Variants in AMOTL1 observed in about 807,000 individuals in gnomAD.
AMOTL1 encodes angiomotin-like protein 1.
AMOTL1 carries 45 observed loss-of-function variants against 102.9 expected under a neutral mutation model. That is an observed-to-expected ratio of 0.44 (90% confidence interval 0.34 to 0.56). AMOTL1 has a LOEUF of 0.56. Ranked by LOEUF, AMOTL1 falls within the 20% of genes least tolerant of loss-of-function variation. The pLI, the probability that AMOTL1 is intolerant of heterozygous loss-of-function variation, is 0.01. For synonymous variants in AMOTL1, 481 were observed against 484.7 expected, an observed-to-expected ratio of 0.99 and a Z score of 0.10; for missense variants, 1,114 against 1,225.6, an observed-to-expected ratio of 0.91 and a Z score of 1.36.
At chr11:94,752,174 C>CCTCTCCTTTCCAGTTT (rs1411882211) in intron 3 of AMOTL1, among the ~76,000 whole-genome samples, 1 of 152,042 alleles carries the variant, frequency 6.6e-6, no homozygotes, top group Admixed American at 6.6e-5. Flanking sequence ...CTGCTCACCC[C>CCTCTCCTTTCCAGTTT]CTCTCCTTTC....
chr11:94,825,786 G>A (rs1052304025), intron 4 of AMOTL1, among the ~76,000 whole-genome samples: 5 of 152,192 alleles, frequency 3.3e-5, no homozygotes, highest in African/African-American at 7.2e-5. Flanking sequence ...CTGAAGCAGT[G>A]TACAGTCAGA....
At position 94,850,139 on chromosome 11, in the gene AMOTL1, G is replaced by A. The variant is rs775952423; in HGVS notation, c.1674G>A (p.Glu558=). ...ACAAAGAATTCTTGAAGGAAAAGGA[G>A]AAATTAGAAATGGAGTTAGCAGCAG... ...SQNKEFLKEK[E]KLEMELAAVR... is the part of the protein sequence containing the mutation. The change falls in exon 7 of 13, where the codon GAG becomes GAA. Residue 558 remains glutamate, a synonymous_variant. Transcript: ENST00000433060. 21 of 1,582,400 alleles carry A rather than the reference G, an allele frequency of 1.3e-5. No individual in the cohort carries two copies. The highest frequency in any genetic ancestry group is 1.8e-5 in the Non-Finnish European group (21 of 1,163,496).
intron 3 of AMOTL1, among the ~76,000 whole-genome samples, chr11:94,755,507 CATT>C (rs1565340275): frequency 1.3e-5 from 2 of 152,180 alleles, no homozygotes; most frequent in African/African-American, 2.4e-5. Context: ...ACACAGTGAT[CATT>C]ATTATAACGA....
rs914864144 is a variant in AMOTL1, at chr11:94,709,007, A to G, written c.-51+2410A>G. On this transcript the variant is annotated intron_variant, in intron 1 of 4. Coordinates refer to the AMOTL1 transcript ENST00000299004. Reference sequence around the variant, plus strand: ...ATCGTTGGTTGAAGTAAAAGTTTCTAAAAGGACTTGTGCATTTAGAGTGGC... The same window carrying G: ...ATCGTTGGTTGAAGTAAAAGTTTCTGAAAGGACTTGTGCATTTAGAGTGGC... Among the ~76,000 whole-genome samples, 3 of 152,172 alleles carry G rather than the reference A, an allele frequency of 2.0e-5. No homozygotes were observed. In the South Asian group the frequency reaches 6.2e-4, roughly 31 times the overall value.
chr11:94,846,390 G>A (rs938074242), intron 6 of AMOTL1, among the ~76,000 whole-genome samples: 5 of 152,144 alleles, frequency 3.3e-5, no homozygotes, highest in Non-Finnish European at 5.9e-5. Context: ...GACATTCATC[G>A]GGAACTTACT....
intron 6 of AMOTL1, among the ~76,000 whole-genome samples, chr11:94,843,349 T>C (rs1260281095): frequency 6.6e-6 from 1 of 152,192 alleles, no homozygotes; most frequent in Non-Finnish European, 1.5e-5. Context: ...TCTAGGTTCA[T>C]CATTTTGACT....
upstream of AMOTL1, among the ~76,000 whole-genome samples, chr11:94,763,620 C>T (rs566065801): frequency 5.8e-4 from 89 of 152,284 alleles, 1 homozygote; most frequent in East Asian, 0.011. Context: ...TTGATTAACA[C>T]ATATTTCATA....
At chr11:94,739,162 T>C (rs776019855) in intron 2 of AMOTL1, among the ~76,000 whole-genome samples, 41 of 152,188 alleles carry the variant, frequency 2.7e-4, no homozygotes, top group Middle Eastern at 3.4e-3. Context: ...CAGGTATGGG[T>C]CAGAGCACAA....
intron 6 of AMOTL1, among the ~76,000 whole-genome samples, chr11:94,835,015 C>T (rs1952147993): frequency 6.6e-6 from 1 of 152,200 alleles, no homozygotes; most frequent in South Asian, 2.1e-4. Context: ...TCCCCCAAGT[C>T]ATGAGATTTG....
At chr11:94,852,610 A>G (rs1252070440) in intron 7 of AMOTL1, among the ~76,000 whole-genome samples, 1 of 152,258 alleles carries the variant, frequency 6.6e-6, no homozygotes, top group African/African-American at 2.4e-5. Context: ...GTGTGAGAGT[A>G]AGAGTTGGAA....
chr11:94,796,274 A>G (rs1453333140), intron 2 of AMOTL1, among the ~76,000 whole-genome samples: 2 of 152,100 alleles, frequency 1.3e-5, no homozygotes, highest in African/African-American at 4.8e-5. Context: ...CAGAGGTGAG[A>G]TTTTGGGGGT....
chr11:94,737,728 A>T (rs1950456697), intron 2 of AMOTL1, among the ~76,000 whole-genome samples: 1 of 152,194 alleles, frequency 6.6e-6, no homozygotes, highest in South Asian at 2.1e-4. Flanking sequence ...GAGCCCATCC[A>T]CTCATAAGAT....
At chr11:94,753,070 C>T (rs1950676411) in intron 3 of AMOTL1, among the ~76,000 whole-genome samples, 1 of 152,154 alleles carries the variant, frequency 6.6e-6, no homozygotes, top group South Asian at 2.1e-4. Context: ...ACGGCAACTC[C>T]AGACTGAGTA....
chr11:94,810,579 T>C lies in AMOTL1; in HGVS notation c.1121+10268T>C, dbSNP rs561734115. Among the ~76,000 whole-genome samples, 13 of 151,740 alleles carry C rather than the reference T, an allele frequency of 8.6e-5. No homozygotes were observed. In the East Asian group the frequency reaches 2.5e-3, roughly 29 times the overall value. ...CAGTTTAAGATCTGAGACAAACTTA[T>C]CTGTTTACACTCTTGGGGTTCCATA... On this transcript the variant is annotated intron_variant, in intron 3 of 12. Transcript: ENST00000433060.
At chr11:94,716,066 T>G (rs1340998730) in intron 1 of AMOTL1, among the ~76,000 whole-genome samples, 2 of 152,130 alleles carry the variant, frequency 1.3e-5, no homozygotes, top group African/African-American at 2.4e-5. Flanking sequence ...TTTCCTTTTT[T>G]GTACAAGTAA....
intron 3 of AMOTL1, among the ~76,000 whole-genome samples, chr11:94,804,865 T>C (rs1352735979): frequency 6.6e-6 from 1 of 152,076 alleles, no homozygotes; most frequent in Non-Finnish European, 1.5e-5. Flanking sequence ...AGCAGGAGGG[T>C]GAAACCTTCA....
intron 2 of AMOTL1, among the ~76,000 whole-genome samples, chr11:94,739,429 T>C: frequency 6.6e-6 from 1 of 152,200 alleles, no homozygotes. Flanking sequence ...GCCCCACCCC[T>C]GCTTCCCTGG....
chr11:94,722,294 T>C (rs1027562906), intron 1 of AMOTL1, among the ~76,000 whole-genome samples: 2 of 152,184 alleles, frequency 1.3e-5, no homozygotes, highest in African/African-American at 4.8e-5. Context: ...TTGAGATAAA[T>C]GACTCCTCAC....
chr11:94,769,682 A>T (rs1210610601), intron 1 of AMOTL1, among the ~76,000 whole-genome samples: 1 of 151,786 alleles, frequency 6.6e-6, no homozygotes, highest in Non-Finnish European at 1.5e-5. Flanking sequence ...GATCACCTGG[A>T]CTGGGGTTTC....
Sources: allele counts gnomAD v4.1 joint callset (sites outside exome capture counted in the v4.1 genomes callset), GRCh38; gene constraint gnomAD v4.1.1; transcripts MANE v1.5; gene names NCBI Gene and HGNC (gene_info 2026-07-23, HGNC 2026-07-21).